The following NLGN1 variants were observed in gnomAD, a reference collection of about 807,000 sequenced individuals.
The protein encoded by NLGN1 is neuroligin-1.
NLGN1 carries 12 observed loss-of-function variants against 65.5 expected under a neutral mutation model. The ratio of observed to expected loss-of-function variants is 0.18; its 90% CI spans 0.12 to 0.30. The LOEUF is 0.30. Among genes scored for constraint, NLGN1 ranks in the 10% least tolerant of loss-of-function variants. The probability of loss-of-function intolerance (pLI) is 1.00; values close to 1 mark genes in which losing one functional copy is unlikely to be tolerated. For missense variants in NLGN1, 750 were observed against 1,007.1 expected (o/e 0.74, Z 3.46); for synonymous variants, 350 against 359.5 (o/e 0.97, Z 0.30).
At chr3:174,144,039 T>C (rs1390568390) in intron 4 of NLGN1, among the ~76,000 whole-genome samples, 3 of 152,134 alleles carry the variant, frequency 2.0e-5, no homozygotes, top group Admixed American at 6.6e-5. Context: ...CTACATTAAG[T>C]ATTTCTCCTA....
intron 3 of NLGN1, among the ~76,000 whole-genome samples, chr3:173,666,215 T>A (rs1159203507): frequency 6.6e-6 from 1 of 152,054 alleles, no homozygotes; most frequent in Non-Finnish European, 1.5e-5. Context: ...TAATTTTGAG[T>A]TCCTGATAAA....
At chr3:173,799,432 A>G (rs931347525) in intron 3 of NLGN1, among the ~76,000 whole-genome samples, 4 of 152,006 alleles carry the variant, frequency 2.6e-5, no homozygotes, top group Non-Finnish European at 4.4e-5. Flanking sequence ...ACACTTATTA[A>G]GCATTCACAG....
intron 4 of NLGN1, among the ~76,000 whole-genome samples, chr3:174,182,277 TC>T (rs1208869402): frequency 6.6e-6 from 1 of 152,178 alleles, no homozygotes; most frequent in African/African-American, 2.4e-5. Context: ...GCAATAAATG[TC>T]TATTAAATTT....
chr3:173,409,791 AG>A (rs758514319), intron 1 of NLGN1, among the ~76,000 whole-genome samples: 1 of 152,246 alleles, frequency 6.6e-6, no homozygotes, highest in Non-Finnish European at 1.5e-5. Context: ...TTGGCTAAAA[AG>A]AATGAAACAT....
At chr3:174,149,258 C>T (rs1723887846) in intron 4 of NLGN1, among the ~76,000 whole-genome samples, 1 of 152,148 alleles carries the variant, frequency 6.6e-6, no homozygotes, top group African/African-American at 2.4e-5. Context: ...CATAACTAGC[C>T]AGCACTGTGG....
At chr3:173,728,883 A>G (rs1772306977) in intron 3 of NLGN1, among the ~76,000 whole-genome samples, 1 of 152,076 alleles carries the variant, frequency 6.6e-6, no homozygotes, top group African/African-American at 2.4e-5. Context: ...GAACTGTGAG[A>G]GGATAAATTT....
chr3:173,773,416 AC>A (rs1194034598), intron 3 of NLGN1, among the ~76,000 whole-genome samples: 1 of 152,190 alleles, frequency 6.6e-6, no homozygotes, highest in Non-Finnish European at 1.5e-5. Context: ...CAAGATTTAC[AC>A]CAATGACCTA....
At chr3:174,052,364 A>G (rs1378253021) in intron 4 of NLGN1, among the ~76,000 whole-genome samples, 13 of 151,964 alleles carry the variant, frequency 8.6e-5, no homozygotes, top group Admixed American at 6.6e-4. Flanking sequence ...TTGAGACTTC[A>G]TTGAAGAGTT....
chr3:173,743,989 C>G (rs987136538), intron 3 of NLGN1, among the ~76,000 whole-genome samples: 1 of 152,008 alleles, frequency 6.6e-6, no homozygotes, highest in Non-Finnish European at 1.5e-5. Flanking sequence ...TAAATTCAGA[C>G]AAATAACTCA....
At chr3:173,777,919 A>G (rs1192357995) in intron 3 of NLGN1, among the ~76,000 whole-genome samples, 1 of 151,906 alleles carries the variant, frequency 6.6e-6, no homozygotes, top group Non-Finnish European at 1.5e-5. Flanking sequence ...TAGCATGTTT[A>G]TAACTGATAA....
At chr3:174,035,090 G>C (rs1730838134) in intron 4 of NLGN1, among the ~76,000 whole-genome samples, 1 of 152,108 alleles carries the variant, frequency 6.6e-6, no homozygotes, top group Admixed American at 6.6e-5. Flanking sequence ...CACCTGCTCT[G>C]TGTCTAACAC....
intron 4 of NLGN1, among the ~76,000 whole-genome samples, chr3:173,911,211 AGC>A (rs751633120): frequency 1.7e-4 from 26 of 152,206 alleles, no homozygotes; most frequent in Non-Finnish European, 3.5e-4. Flanking sequence ...AGCTGTTACA[AGC>A]GCCAGTGCTT....
rs756157881 is a variant in NLGN1 at position 173,675,887 on chromosome 3, T to TCTCTCTCACACA, written c.493+70797_493+70798insTCTCTCACACAC. Reference sequence around the variant, plus strand: ...CTCTTTGTCTCTCTCTCTCTCTCTCTCACACACACACACACACACACACAC... The same window carrying TCTCTCTCACACA: ...CTCTTTGTCTCTCTCTCTCTCTCTCTCTCTCTCACACACACACACACACACACACACACACAC... On this transcript the variant is annotated intron_variant, in intron 3 of 6. Coordinates refer to ENST00000457714, the Ensembl canonical transcript of NLGN1. Among the ~76,000 whole-genome samples the TCTCTCTCACACA allele has an allele frequency of 2.3e-3, 319 of 138,634 alleles. 1 individual carries two copies. The highest frequency in any genetic ancestry group is 0.016 in the East Asian group (77 of 4,918). The allele number at this position is 138,634 out of a possible 152,430, so 90.9% of individuals were successfully genotyped here.
At chr3:173,906,589 C>A (rs1738439306) in intron 4 of NLGN1, among the ~76,000 whole-genome samples, 1 of 152,024 alleles carries the variant, frequency 6.6e-6, no homozygotes. Flanking sequence ...TTCGCCTTTC[C>A]CACGATGGAG....
chr3:173,889,322 C>T (rs1734911480), intron 4 of NLGN1, among the ~76,000 whole-genome samples: 1 of 152,062 alleles, frequency 6.6e-6, no homozygotes, highest in Non-Finnish European at 1.5e-5. Context: ...GAATTGCCCA[C>T]CTTTGCAGCC....
chr3:173,513,879 T>G (rs1577054011), intron 2 of NLGN1, among the ~76,000 whole-genome samples: 2 of 148,182 alleles, frequency 1.3e-5, no homozygotes, highest in African/African-American at 2.6e-5. Context: ...TACAAAAAAA[T>G]TAGCCGGGTG....
chr3:174,053,987 A>G (rs951954391), intron 4 of NLGN1, among the ~76,000 whole-genome samples: 8 of 152,030 alleles, frequency 5.3e-5, no homozygotes, highest in Admixed American at 5.3e-4. Context: ...ATTATCAAAT[A>G]CAAATCTGAG....
intron 2 of NLGN1, among the ~76,000 whole-genome samples, chr3:173,532,524 CT>C: frequency 6.6e-6 from 1 of 152,100 alleles, no homozygotes; most frequent in Non-Finnish European, 1.5e-5. Flanking sequence ...AGCCACTTGT[CT>C]TACTTGTATA....
intron 1 of NLGN1, among the ~76,000 whole-genome samples, chr3:173,415,400 G>C (rs686535): frequency 2.0e-5 from 3 of 151,728 alleles, no homozygotes; most frequent in Non-Finnish European, 4.4e-5. Context: ...CTCAACAAGC[G>C]GTTTAGCGGT....
Sources: allele counts gnomAD v4.1 joint callset (sites outside exome capture counted in the v4.1 genomes callset), GRCh38; gene constraint gnomAD v4.1.1; transcripts MANE v1.5; gene names NCBI Gene and HGNC (gene_info 2026-07-23, HGNC 2026-07-21).